The following VEPH1 variants were observed in gnomAD, a reference collection of about 807,000 sequenced individuals.
VEPH1 encodes ventricular zone expressed PH domain containing 1.
A neutral mutation model predicts 85.2 loss-of-function variants in VEPH1; 80 were observed. That is an observed-to-expected ratio of 0.94 (90% CI 0.78 to 1.13). The LOEUF (loss-of-function observed/expected upper bound fraction) is 1.13. Among genes scored for constraint, VEPH1 ranks in the 50% most tolerant of loss-of-function variants. The pLI is 0.00. For missense variants in VEPH1, 955 were observed against 980.5 expected, an observed-to-expected ratio of 0.97 and a Z score of 0.35; for synonymous variants, 297 against 348.0, an observed-to-expected ratio of 0.85 and a Z score of 1.63.
At chr3:157,271,654 C>T (rs1354684845) in intron 12 of VEPH1, among the ~76,000 whole-genome samples, 2 of 152,232 alleles carry the variant, frequency 1.3e-5, no homozygotes, top group Admixed American at 1.3e-4. Context: ...TCTCCTCCCT[C>T]CCTCTGCTTA....
At chr3:157,375,628 T>TGA (rs1373919195) in intron 7 of VEPH1, among the ~76,000 whole-genome samples, 4 of 152,228 alleles carry the variant, frequency 2.6e-5, no homozygotes, top group Non-Finnish European at 4.4e-5. Flanking sequence ...GAGTCATTTT[T>TGA]CTTTGAATAT....
chr3:157,369,952 T>C (rs78459162), intron 7 of VEPH1, among the ~76,000 whole-genome samples: 9,694 of 152,172 alleles, frequency 0.064, 450 homozygotes, highest in South Asian at 0.19. Context: ...TGGGCTCACT[T>C]AGGGGGTTGT....
At chr3:157,376,023 G>C (rs1040197755) in intron 7 of VEPH1, among the ~76,000 whole-genome samples, 1 of 152,180 alleles carries the variant, frequency 6.6e-6, no homozygotes, top group Non-Finnish European at 1.5e-5. Context: ...TGAGGGAACT[G>C]TAACCTTCCT....
In VEPH1 at chr3:157,467,068, G is replaced by A. The variant is rs76858635; in HGVS notation, c.354+3246C>T. Among the ~76,000 whole-genome samples the A allele has an allele frequency of 6.6e-5, 10 of 152,090 alleles. No individual in the cohort carries two copies. In the East Asian group the frequency reaches 1.9e-3, roughly 29 times the overall value. ...AGGAATGGTCACCTGAAGTAGGTTT[G>A]AGCGTAGGCCGACAAGAGGAAATCT... On this transcript the variant is annotated intron_variant, in intron 3 of 13. Coordinates refer to ENST00000362010, the MANE Select transcript of VEPH1 (RefSeq NM_001167912.2).
At chr3:157,362,067 A>G (rs1048167127) in intron 9 of VEPH1, among the ~76,000 whole-genome samples, 8 of 151,870 alleles carry the variant, frequency 5.3e-5, no homozygotes, top group African/African-American at 1.5e-4. Flanking sequence ...GTCCCACTCA[A>G]TTGCCCAGGC....
intron 13 of VEPH1, among the ~76,000 whole-genome samples, chr3:157,263,274 G>A (rs566292086): frequency 9.2e-5 from 14 of 152,184 alleles, no homozygotes; most frequent in African/African-American, 2.4e-4. Context: ...TATTTGAGCC[G>A]CAAGTTTTGT....
At chr3:157,281,640 C>T (rs902416150) in intron 12 of VEPH1, among the ~76,000 whole-genome samples, 15 of 151,892 alleles carry the variant, frequency 9.9e-5, no homozygotes, top group East Asian at 1.9e-4. Context: ...CTGGTTCAAG[C>T]GATTCTCCTG....
intron 4 of VEPH1, among the ~76,000 whole-genome samples, chr3:157,444,489 T>G (rs1054738073): frequency 1.3e-5 from 2 of 152,202 alleles, no homozygotes; most frequent in African/African-American, 4.8e-5. Context: ...AGAAAATCAC[T>G]TGTAGTTAGG....
At chr3:157,431,300 T>C (rs1306021572) in intron 4 of VEPH1, among the ~76,000 whole-genome samples, 1 of 152,160 alleles carries the variant, frequency 6.6e-6, no homozygotes, top group Non-Finnish European at 1.5e-5. Flanking sequence ...CTCCATAAAT[T>C]ACCCAGTCTC....
intron 9 of VEPH1, among the ~76,000 whole-genome samples, chr3:157,357,348 G>A (rs958628341): frequency 3.3e-5 from 5 of 152,164 alleles, no homozygotes; most frequent in Non-Finnish European, 5.9e-5. Context: ...CATACAAAAT[G>A]TCCTAAGAGT....
chr3:157,352,696 C>A (rs1184484154), intron 9 of VEPH1, among the ~76,000 whole-genome samples: 2 of 152,138 alleles, frequency 1.3e-5, no homozygotes, highest in African/African-American at 4.8e-5. Flanking sequence ...CTGATAGCAA[C>A]AACAACAAAA....
At position 157,347,747 on chromosome 3, in the gene VEPH1, C is replaced by T. The variant is rs139825106; in HGVS notation, c.1735+15617G>A. On this transcript the variant is annotated intron_variant, in intron 9 of 13. Transcript: ENST00000362010. ...CAGGAAAAGGTAAGCAGAAGATCCG[C>T]ATCATCCCCTATTGCCACCAAAACA... Among the ~76,000 whole-genome samples, 945 of 152,332 alleles carry T rather than the reference C, an allele frequency of 6.2e-3. 4 individuals carry two copies. Among genetic ancestry groups the T allele is most frequent in the Non-Finnish European group, 9.5e-3 (649 of 68,022 alleles).
chr3:157,307,173 T>A (rs1719609267), intron 11 of VEPH1, among the ~76,000 whole-genome samples: 1 of 152,022 alleles, frequency 6.6e-6, no homozygotes, highest in African/African-American at 2.4e-5. Context: ...GTAATCTAGC[T>A]GTCATTTTTG....
At chr3:157,324,534 C>T (rs1721685645) in intron 9 of VEPH1, among the ~76,000 whole-genome samples, 1 of 152,052 alleles carries the variant, frequency 6.6e-6, no homozygotes, top group African/African-American at 2.4e-5. Context: ...TGTTGCTTCC[C>T]TCTATGTGTT....
intron 9 of VEPH1, among the ~76,000 whole-genome samples, chr3:157,342,142 A>T (rs574347749): frequency 6.6e-6 from 1 of 152,340 alleles, no homozygotes; most frequent in African/African-American, 2.4e-5. Flanking sequence ...ACCAGCTAAC[A>T]TCATAATGAC....
At chr3:157,437,638 C>T (rs1298943490) in intron 4 of VEPH1, 1 of 1,551,790 alleles carries the variant, frequency 6.4e-7, no homozygotes, top group Non-Finnish European at 8.7e-7. Context: ...GGGCGAGCTG[C>T]AGAGGCTGCG....
intron 6 of VEPH1, among the ~76,000 whole-genome samples, chr3:157,386,250 CA>C (rs71302265): frequency 0.011 from 417 of 38,508 alleles, 1 homozygote; most frequent in African/African-American, 0.037. Flanking sequence ...AATGGTTCCA[CA>C]AAAAAAAAAA....
chr3:157,458,009 T>G (rs1735522135), intron 4 of VEPH1, among the ~76,000 whole-genome samples: 1 of 152,204 alleles, frequency 6.6e-6, no homozygotes, highest in Non-Finnish European at 1.5e-5. Context: ...TTATTGTGAT[T>G]GGTAGACTAT....
intron 11 of VEPH1, among the ~76,000 whole-genome samples, chr3:157,299,940 T>G (rs1190706869): frequency 1.3e-5 from 2 of 152,210 alleles, no homozygotes; most frequent in African/African-American, 4.8e-5. Context: ...GTATTATGTC[T>G]TTTGAATCTC....
Sources: gnomAD v4.1 joint callset for allele counts (sites outside exome capture counted in the v4.1 genomes callset) on GRCh38, gnomAD v4.1.1 for gene constraint, MANE v1.5 for transcripts, NCBI Gene and HGNC (gene_info 2026-07-23, HGNC 2026-07-21) for gene names.